The following CTBP2 variants were observed in gnomAD, a reference collection of about 807,000 sequenced individuals.
CTBP2 encodes the protein C-terminal-binding protein 2.
A neutral mutation model predicts 80.3 loss-of-function variants in CTBP2; 30 were observed. That is an observed-to-expected ratio of 0.37 (90% CI 0.28 to 0.51). The LOEUF (loss-of-function observed/expected upper bound fraction) is 0.51, where lower values mean the gene tolerates loss of function less well. Ranked by LOEUF, CTBP2 falls within the 20% of genes least tolerant of loss-of-function variation. CTBP2 has a pLI of 0.93. For missense variants in CTBP2, 1,212 were observed against 1,375.3 expected (o/e 0.88, Z 1.88); for synonymous variants, 594 against 587.4 (o/e 1.01, Z -0.16).
intron 3 of CTBP2, chr10:125,000,167 T>C (rs989719472): frequency 2.6e-5 from 4 of 152,256 alleles, no homozygotes; most frequent in Admixed American, 2.0e-4. Context: ...GGGGAGATGG[T>C]GCAGGAGGAA....
intron 2 of CTBP2, 65 bp downstream of exon 4, chr10:125,003,273 G>A (rs1211967716): frequency 6.3e-7 from 1 of 1,590,718 alleles, no homozygotes; most frequent in Non-Finnish European, 8.5e-7. Flanking sequence ...CGATCTAATG[G>A]GGGGATGCTG....
chr10:125,098,768 G>GAGAGAGAGAGAGAGAC (rs1850140334), intron 2 of CTBP2, among the ~76,000 whole-genome samples: 3 of 138,576 alleles, frequency 2.2e-5, no homozygotes, highest in East Asian at 2.1e-4. Flanking sequence ...GAGAGAGAGA[G>GAGAGAGAGAGAGAGAC]AGAGAGAGAG....
intron 3 of CTBP2, among the ~76,000 whole-genome samples, chr10:125,034,419 T>C (rs1393502893): frequency 6.6e-6 from 1 of 152,264 alleles, no homozygotes; most frequent in African/African-American, 2.4e-5. Context: ...TGTTTGGGTA[T>C]GTTCATTTGT....
intron 2 of CTBP2, among the ~76,000 whole-genome samples, chr10:125,042,299 G>A (rs1325832394): frequency 6.6e-6 from 1 of 152,188 alleles, no homozygotes; most frequent in Non-Finnish European, 1.5e-5. Flanking sequence ...GCTGCACACA[G>A]CGGCCTCCAG....
intron 1 of CTBP2, among the ~76,000 whole-genome samples, chr10:125,010,037 C>T (rs1243154364): frequency 2.0e-5 from 3 of 152,098 alleles, no homozygotes; most frequent in East Asian, 3.9e-4. Context: ...CCCCAGCAGC[C>T]GGGAAGGTGC....
intron 2 of CTBP2, among the ~76,000 whole-genome samples, chr10:125,041,931 A>G (rs1475518970): frequency 3.3e-5 from 5 of 150,808 alleles, no homozygotes; most frequent in Non-Finnish European, 5.9e-5. Flanking sequence ...CCACTATTAA[A>G]AAAAAAAAAA....
intron 1 of CTBP2, among the ~76,000 whole-genome samples, chr10:125,023,140 G>A (rs1250920228): frequency 6.6e-6 from 1 of 152,192 alleles, no homozygotes; most frequent in Non-Finnish European, 1.5e-5. Context: ...CCTCCATCCT[G>A]GAGTCCTCAG....
chr10:125,051,963 C>A lies in CTBP2; in HGVS notation c.-101-12808G>T, dbSNP rs534951813. Among the ~76,000 whole-genome samples the A allele has an allele frequency of 3.9e-5, 6 of 152,312 alleles. No individual in the cohort carries two copies. In the South Asian group the frequency reaches 1.2e-3, roughly 32 times the overall value. On this transcript the variant is annotated intron_variant, in intron 2 of 10. Coordinates refer to the CTBP2 transcript ENST00000337195. Reference sequence around the variant, plus strand: ...TACGGAGACAGGGCTTCTCTCAAATCCTTGGAAGGAAGCACCCCTGCGGAT... The same window carrying A: ...TACGGAGACAGGGCTTCTCTCAAATACTTGGAAGGAAGCACCCCTGCGGAT...
At chr10:125,035,912 G>A (rs896954498) in intron 3 of CTBP2, among the ~76,000 whole-genome samples, 2 of 152,124 alleles carry the variant, frequency 1.3e-5, no homozygotes, top group South Asian at 2.1e-4. Context: ...GGGCTCCTTC[G>A]TAATAATTCT....
At chr10:125,076,344 T>C (rs1846269480) in intron 2 of CTBP2, among the ~76,000 whole-genome samples, 1 of 152,146 alleles carries the variant, frequency 6.6e-6, no homozygotes, top group Non-Finnish European at 1.5e-5. Context: ...CTCAACCACT[T>C]TGGGAGCACG....
rs1361298058 is a variant in CTBP2, at chr10:125,158,635, C to T, written c.-206+1684G>A. On this transcript the variant is annotated intron_variant, in intron 1 of 10. Coordinates refer to the CTBP2 transcript ENST00000337195. ...GTAAATACACAGAAGGATTGTTTAC[C>T]CCGGACAGGGCAAGGAAGCCCGGTA... 7 of 152,268 alleles carry T rather than the reference C, an allele frequency of 4.6e-5. No homozygotes were observed. In the South Asian group the frequency reaches 1.5e-3, roughly 32 times the overall value. The allele number at this position is 152,268 out of a possible 1,614,324, so 9.4% of individuals were successfully genotyped here. A position where few individuals can be genotyped will look rare whatever the true frequency, so the allele number is the denominator to read the frequency against.
At chr10:125,118,954 A>G (rs1853841622) in intron 1 of CTBP2, among the ~76,000 whole-genome samples, 1 of 152,226 alleles carries the variant, frequency 6.6e-6, no homozygotes, top group South Asian at 2.1e-4. Flanking sequence ...AACCTGCCAG[A>G]AGGAGCGGAC....
chr10:125,047,150 A>G (rs1463012941), intron 2 of CTBP2, among the ~76,000 whole-genome samples: 1 of 151,568 alleles, frequency 6.6e-6, no homozygotes, highest in East Asian at 1.9e-4. Flanking sequence ...GTGTTATTTA[A>G]TAATAAAGGT....
At chr10:125,147,583 G>A (rs996421797) in intron 1 of CTBP2, among the ~76,000 whole-genome samples, 3 of 152,058 alleles carry the variant, frequency 2.0e-5, no homozygotes, top group Admixed American at 1.3e-4. Context: ...CACAGGGCAC[G>A]ACATCTTCCA....
chr10:124,991,893 T>TGGGGG lies in CTBP2; in HGVS notation c.2777+797_2777+801dup, dbSNP rs11459870. Among the ~76,000 whole-genome samples, 378 of 60,262 alleles carry TGGGGG rather than the reference T, an allele frequency of 6.3e-3. 1 individual carries two copies. Among genetic ancestry groups the TGGGGG allele is most frequent in the Admixed American group, 0.012 (66 of 5,634 alleles). 39.5% of individuals were successfully genotyped at this position (60,262 alleles called of 152,430 possible). On this transcript the variant is annotated intron_variant, in intron 8 of 8. Coordinates refer to ENST00000309035, the MANE Select transcript of CTBP2 (RefSeq NM_022802.3). ...GATTTTCCTGGGAAGCCAGCAATAA[T>TGGGGG]GGGGGGGGGGGTGTGGGAGAAAACC...
At chr10:125,159,087 G>C (rs866186975) in intron 1 of CTBP2, among the ~76,000 whole-genome samples, 1 of 150,948 alleles carries the variant, frequency 6.6e-6, no homozygotes, top group Non-Finnish European at 1.5e-5. Context: ...CAACTCGCCC[G>C]GGGCGCTGGG....
intron 1 of CTBP2, among the ~76,000 whole-genome samples, chr10:125,115,526 A>C (rs2135971350): frequency 6.6e-6 from 1 of 152,296 alleles, no homozygotes; most frequent in Non-Finnish European, 1.5e-5. Flanking sequence ...ATCTACCTTC[A>C]CAGGTGGTCA....
intron 1 of CTBP2, among the ~76,000 whole-genome samples, chr10:125,125,184 C>T (rs1357484437): frequency 6.6e-6 from 1 of 152,210 alleles, no homozygotes; most frequent in Non-Finnish European, 1.5e-5. Flanking sequence ...GTTGGCGGAG[C>T]ATCAACAGCC....
intron 1 of CTBP2, among the ~76,000 whole-genome samples, chr10:125,157,265 G>A (rs186184493): frequency 8.5e-4 from 130 of 152,098 alleles, no homozygotes; most frequent in African/African-American, 2.9e-3. Flanking sequence ...CCTCCCCGCA[G>A]GAGAACACCC....
Sources: allele counts gnomAD v4.1 joint callset (sites outside exome capture counted in the v4.1 genomes callset), GRCh38; gene constraint gnomAD v4.1.1; transcripts MANE v1.5; gene names NCBI Gene and HGNC (gene_info 2026-07-23, HGNC 2026-07-21).